The following SNRPN variants were observed in gnomAD, a reference collection of about 807,000 sequenced individuals.
SNRPN encodes the protein small nuclear ribonucleoprotein polypeptide N, also known as small nuclear ribonucleoprotein-associated protein N.
Under a neutral mutation model 25.2 loss-of-function variants are expected in SNRPN, and 7 were observed. The observed-to-expected ratio is 0.28, with a 90% CI of 0.16 to 0.52. The LOEUF (loss-of-function observed/expected upper bound fraction) is 0.52, where lower values mean the gene tolerates loss of function less well. Among genes scored for constraint, SNRPN ranks in the 20% least tolerant of loss-of-function variants. The probability of loss-of-function intolerance (pLI) is 0.96; values close to 1 mark genes in which losing one functional copy is unlikely to be tolerated. For synonymous variants in SNRPN, 124 were observed against 110.6 expected (o/e 1.12, Z -0.76); for missense variants, 196 against 322.5 (o/e 0.61, Z 3.00).
At chr15:24,900,226 C>CT (rs1444444590) in intron 2 of SNRPN, among the ~76,000 whole-genome samples, 2 of 152,202 alleles carry the variant, frequency 1.3e-5, no homozygotes, top group Non-Finnish European at 2.9e-5. Context: ...GCTTAGGTTC[C>CT]TTAATTCTCA....
upstream of SNRPN, among the ~76,000 whole-genome samples, chr15:24,853,116 A>G (rs2053033384): frequency 6.6e-6 from 1 of 152,212 alleles, no homozygotes; most frequent in Non-Finnish European, 1.5e-5. Context: ...TAAAGAGTTT[A>G]CATATACCAC....
upstream of SNRPN, among the ~76,000 whole-genome samples, chr15:24,952,697 C>G (rs1193390144): frequency 6.6e-6 from 1 of 152,080 alleles, no homozygotes; most frequent in Non-Finnish European, 1.5e-5. Flanking sequence ...GTCCAAGAAA[C>G]TAGATAAGTG....
intron 3 of SNRPN, among the ~76,000 whole-genome samples, chr15:24,934,105 C>T (rs2061068726): frequency 1.3e-5 from 2 of 152,060 alleles, no homozygotes; most frequent in South Asian, 2.1e-4. Context: ...CGAGACCAGC[C>T]TGGCCAACAT....
At chr15:24,913,412 G>T (rs991274789) in intron 2 of SNRPN, among the ~76,000 whole-genome samples, 2 of 152,122 alleles carry the variant, frequency 1.3e-5, no homozygotes, top group Admixed American at 1.3e-4. Flanking sequence ...GGACGACAAG[G>T]TGGGCAGATC....
rs143745143 is a variant in SNRPN at position 24,921,666 on chromosome 15, C to A, written c.-391+1542C>A. Among the ~76,000 whole-genome samples, 52 of 152,206 alleles carry A rather than the reference C, an allele frequency of 3.4e-4. No homozygotes were observed. The East Asian group carries it at 8.7e-3, about 26-fold the overall frequency. The stretch of plus-strand genomic sequence containing the variant: ...CGTAACTGAGGCACAGGACTGGGTT[C>A]TTGGTTTGAATTTGCTAGTCAGATG... On this transcript the variant is annotated intron_variant, in intron 3 of 11. Coordinates refer to the SNRPN transcript ENST00000400097.
intron 1 of SNRPN, among the ~76,000 whole-genome samples, chr15:24,876,032 C>T (rs1002076174): frequency 1.4e-5 from 2 of 145,412 alleles, no homozygotes; most frequent in African/African-American, 2.5e-5. Context: ...CCAGCTTGGG[C>T]AGCAGAGTGA....
chr15:24,922,320 T>C (rs2060080630), intron 3 of SNRPN, among the ~76,000 whole-genome samples: 1 of 152,166 alleles, frequency 6.6e-6, no homozygotes, highest in South Asian at 2.1e-4. Flanking sequence ...ACAATCCAGA[T>C]CCTCTACACA....
intron 4 of SNRPN, chr15:24,974,966 A>G: frequency 1.4e-6 from 1 of 703,034 alleles, no homozygotes; most frequent in Non-Finnish European, 2.6e-6. Context: ...AGGTCAGATT[A>G]CAATAGAAAT....
At position 24,968,049 on chromosome 15, in the gene SNRPN, A is replaced by T; in HGVS notation, c.-177A>T. On this transcript the variant is annotated 5_prime_UTR_variant, in exon 3 of 10. Coordinates refer to ENST00000390687, the MANE Select transcript of SNRPN (RefSeq NM_003097.6). ...CAAGAGGTGGTTAAAGCCATATTGGAGTAGCGAGGAATCTGATTCCAAGCA... is the reference window on the plus strand; with the variant it reads ...CAAGAGGTGGTTAAAGCCATATTGGTGTAGCGAGGAATCTGATTCCAAGCA... The T allele has an allele frequency of 6.2e-7, 1 of 1,611,792 alleles. No individual in the cohort carries two copies. Among genetic ancestry groups the T allele is most frequent in the Non-Finnish European group, 8.5e-7 (1 of 1,177,926 alleles).
chr15:24,926,327 G>A (rs935358613), intron 3 of SNRPN, among the ~76,000 whole-genome samples: 2 of 151,764 alleles, frequency 1.3e-5, no homozygotes, highest in African/African-American at 2.4e-5. Flanking sequence ...CAAAATATAC[G>A]AAAGGCATAC....
intron 1 of SNRPN, among the ~76,000 whole-genome samples, chr15:24,958,496 T>TTG (rs1341538599): frequency 8.3e-5 from 9 of 108,632 alleles, no homozygotes; most frequent in Admixed American, 5.2e-4. Context: ...GTTTTTTTTT[T>TTG]TTTTTTTTTT....
intron 1 of SNRPN, among the ~76,000 whole-genome samples, chr15:24,879,233 G>C (rs1029784867): frequency 2.0e-5 from 3 of 151,968 alleles, no homozygotes; most frequent in African/African-American, 7.2e-5. Context: ...TCGGGGGTTC[G>C]AGACCAGCCT....
intron 2 of SNRPN, among the ~76,000 whole-genome samples, chr15:24,903,888 GCT>G (rs2151674803): frequency 6.6e-6 from 1 of 152,122 alleles, no homozygotes; most frequent in Admixed American, 6.6e-5. Flanking sequence ...ACAAAAAATT[GCT>G]GTGTGTGGTG....
chr15:24,864,794 A>C (rs2054408756), intron 1 of SNRPN, among the ~76,000 whole-genome samples: 1 of 152,038 alleles, frequency 6.6e-6, no homozygotes, highest in Admixed American at 6.6e-5. Context: ...TTCTTGCATC[A>C]TGTGTTATTT....
chr15:24,945,963 G>T lies in SNRPN; in HGVS notation c.-390-16151G>T, dbSNP rs148366461. On this transcript the variant is annotated intron_variant, in intron 3 of 11. Coordinates refer to the SNRPN transcript ENST00000400097. ...GTTACTTGGTGCTTTGAGCAGAAAG[G>T]CCTGTTGGGTTAGTTCCTGGGCTCC... Among the ~76,000 whole-genome samples, 184 of 152,306 alleles carry T rather than the reference G, an allele frequency of 1.2e-3. 2 individuals are homozygous for T. Among genetic ancestry groups the T allele is most frequent in the African/African-American group, 3.8e-3 (156 of 41,560 alleles).
rs2075909161 is a variant in SNRPN at position 24,968,089 on chromosome 15, G to T, written c.-144+7G>T. The T allele has an allele frequency of 3.5e-6, 5 of 1,435,760 alleles. No homozygotes were observed. The East Asian group carries it at 9.1e-5, about 26-fold the overall frequency. The allele number at this position is 1,435,760 out of a possible 1,614,324, so 88.9% of individuals were successfully genotyped here. A position where few individuals can be genotyped will look rare whatever the true frequency, so the allele number is the denominator to read the frequency against. On this transcript the variant is annotated splice_region_variant and intron_variant, in intron 3 of 9. Coordinates refer to ENST00000390687, the MANE Select transcript of SNRPN (RefSeq NM_003097.6). ...GATTCCAAGCAAAAACCAGGTTAGA[G>T]CTAATGCAGCAATGATCAAGAATAA...
At chr15:24,866,859 C>A (rs139497078) in intron 1 of SNRPN, among the ~76,000 whole-genome samples, 14 of 151,862 alleles carry the variant, frequency 9.2e-5, no homozygotes, top group Non-Finnish European at 1.6e-4. Context: ...TCGCAAATGA[C>A]AGGATTTCCT....
intron 3 of SNRPN, among the ~76,000 whole-genome samples, chr15:24,946,582 GT>G (rs748401640): frequency 3.9e-5 from 6 of 152,174 alleles, no homozygotes; most frequent in Middle Eastern, 3.4e-3. Flanking sequence ...CAATTTTCCT[GT>G]CCCAACTTCC....
At chr15:24,897,762 G>C (rs2058169520) in intron 2 of SNRPN, among the ~76,000 whole-genome samples, 1 of 152,114 alleles carries the variant, frequency 6.6e-6, no homozygotes, top group African/African-American at 2.4e-5. Context: ...CCCTGCACAA[G>C]CGCTCTTGCC....
Sources: allele counts gnomAD v4.1 joint callset (sites outside exome capture counted in the v4.1 genomes callset), GRCh38; gene constraint gnomAD v4.1.1; transcripts MANE v1.5; gene names NCBI Gene and HGNC (gene_info 2026-07-23, HGNC 2026-07-21).